GABBR2: variants seen among roughly 807,000 people sequenced by gnomAD.
GABBR2 encodes G-protein coupled receptor 51.
Under a neutral mutation model 105.6 loss-of-function variants are expected in GABBR2, and 23 were observed. The ratio of observed to expected loss-of-function variants is 0.22; its 90% confidence interval spans 0.16 to 0.31. The LOEUF (loss-of-function observed/expected upper bound fraction) is 0.31, where lower values mean the gene tolerates loss of function less well. Ranked by LOEUF, GABBR2 falls within the 10% of genes least tolerant of loss-of-function variation. GABBR2 has a pLI of 1.00. For synonymous variants in GABBR2, 478 were observed against 499.7 expected (o/e 0.96, Z 0.58); for missense variants, 734 against 1,245.5 (o/e 0.59, Z 6.18).
intron 3 of GABBR2, among the ~76,000 whole-genome samples, chr9:98,510,748 C>T (rs1827621932): frequency 6.6e-6 from 1 of 151,946 alleles, no homozygotes; most frequent in Non-Finnish European, 1.5e-5. Flanking sequence ...GCACCCAATA[C>T]AGGAGCACCC....
chr9:98,368,320 TAAAG>T (rs1195170398), intron 12 of GABBR2, among the ~76,000 whole-genome samples: 2 of 132,432 alleles, frequency 1.5e-5, no homozygotes, highest in African/African-American at 5.6e-5. Flanking sequence ...AAAAAAAAAG[TAAAG>T]AAACTTTAAA....
At chr9:98,570,041 C>G (rs148264175) in intron 2 of GABBR2, among the ~76,000 whole-genome samples, 1 of 152,206 alleles carries the variant, frequency 6.6e-6, no homozygotes, top group South Asian at 2.1e-4. Flanking sequence ...GGCATGCTTT[C>G]GAGTTTTCAG....
chr9:98,579,825 T>C (rs746476807), intron 1 of GABBR2, among the ~76,000 whole-genome samples: 4 of 152,212 alleles, frequency 2.6e-5, no homozygotes, highest in Non-Finnish European at 4.4e-5. Context: ...CCTTTGGGGA[T>C]AGAAAGAAAA....
At chr9:98,631,039 G>A (rs772181672) in intron 1 of GABBR2, among the ~76,000 whole-genome samples, 6 of 152,082 alleles carry the variant, frequency 3.9e-5, no homozygotes, top group African/African-American at 9.7e-5. Context: ...ACTGCATAGC[G>A]CTGCTGGGGA....
At chr9:98,562,317 A>G (rs1392649750) in intron 2 of GABBR2, among the ~76,000 whole-genome samples, 1 of 152,236 alleles carries the variant, frequency 6.6e-6, no homozygotes, top group Non-Finnish European at 1.5e-5. Flanking sequence ...CCAAAAATAT[A>G]TGGCAACAAA....
chr9:98,641,650 T>G (rs1829963802), intron 1 of GABBR2, among the ~76,000 whole-genome samples: 1 of 152,174 alleles, frequency 6.6e-6, no homozygotes, highest in Non-Finnish European at 1.5e-5. Context: ...CTCCCGAAAT[T>G]TATTGATTGC....
At chr9:98,637,396 T>C (rs1277722469) in intron 1 of GABBR2, among the ~76,000 whole-genome samples, 2 of 152,200 alleles carry the variant, frequency 1.3e-5, no homozygotes, top group Non-Finnish European at 2.9e-5. Context: ...ATTGAATGCT[T>C]ACTGTAGTAG....
intron 13 of GABBR2, 157 bp downstream of exon 13, chr9:98,362,558 G>T: frequency 2.3e-6 from 1 of 441,050 alleles, no homozygotes; most frequent in Non-Finnish European, 3.8e-6. Flanking sequence ...CTTATATTTG[G>T]CCTCCCTGGA....
intron 3 of GABBR2, among the ~76,000 whole-genome samples, chr9:98,532,698 A>T (rs189164692): frequency 6.6e-6 from 1 of 152,170 alleles, no homozygotes; most frequent in Non-Finnish European, 1.5e-5. Context: ...CCCATCCCAC[A>T]GTGTCTGATT....
At chr9:98,330,360 G>A (rs1359010970) in intron 13 of GABBR2, among the ~76,000 whole-genome samples, 3 of 152,206 alleles carry the variant, frequency 2.0e-5, no homozygotes, top group Non-Finnish European at 4.4e-5. Context: ...CACCTGAGAA[G>A]CAAATGTAAT....
chr9:98,472,628 A>C (rs1564083100), intron 6 of GABBR2, among the ~76,000 whole-genome samples: 1 of 152,214 alleles, frequency 6.6e-6, no homozygotes, highest in Admixed American at 6.5e-5. Context: ...GCCCCTAAAA[A>C]TATATATCCA....
intron 1 of GABBR2, among the ~76,000 whole-genome samples, chr9:98,613,108 T>C (rs1045498153): frequency 1.3e-5 from 2 of 152,120 alleles, no homozygotes; most frequent in African/African-American, 2.4e-5. Flanking sequence ...CCTATACCCA[T>C]AGCCTTTGGA....
At chr9:98,545,050 C>T (rs1828373980) in intron 2 of GABBR2, among the ~76,000 whole-genome samples, 1 of 152,172 alleles carries the variant, frequency 6.6e-6, no homozygotes, top group Admixed American at 6.5e-5. Context: ...CCCCAAAAAT[C>T]CTTATCTAAT....
intron 12 of GABBR2, among the ~76,000 whole-genome samples, chr9:98,371,180 C>A (rs1026725429): frequency 1.3e-5 from 2 of 152,184 alleles, no homozygotes; most frequent in Non-Finnish European, 2.9e-5. Flanking sequence ...CTCCCACTCA[C>A]CCTCCAGGCC....
At chr9:98,376,120 C>T (rs1408029438) in intron 11 of GABBR2, among the ~76,000 whole-genome samples, 1 of 152,180 alleles carries the variant, frequency 6.6e-6, no homozygotes, top group African/African-American at 2.4e-5. Context: ...CCATCTCAGT[C>T]CCAGCTATGA....
chr9:98,563,366 C>T (rs1828704055), intron 2 of GABBR2, among the ~76,000 whole-genome samples: 1 of 152,208 alleles, frequency 6.6e-6, no homozygotes, highest in African/African-American at 2.4e-5. Context: ...GGCAAGACTG[C>T]ACTGAAGGAG....
chr9:98,692,347 T>TCC (rs1371593608), intron 1 of GABBR2, among the ~76,000 whole-genome samples: 1 of 152,162 alleles, frequency 6.6e-6, no homozygotes, highest in Non-Finnish European at 1.5e-5. Context: ...GTATGGATAT[T>TCC]AGTCCACCCA....
chr9:98,593,084 G>A lies in GABBR2; in HGVS notation c.322-15012C>T, dbSNP rs554594331. ...AGCTTTGACCTCCTTGGCCTCAAGC[G>A]AGCCTCCCACCTAGGTCTCCTAAAG... On this transcript the variant is annotated intron_variant, in intron 1 of 18. Transcript: ENST00000259455. 3.3e-5 allele frequency among the ~76,000 whole-genome samples: 5 copies of A among 152,072 alleles called. No individual in the cohort carries two copies. In the South Asian group the frequency reaches 6.2e-4, roughly 19 times the overall value.
chr9:98,424,327 T>C (rs1458297370), intron 7 of GABBR2, among the ~76,000 whole-genome samples: 1 of 151,972 alleles, frequency 6.6e-6, no homozygotes, highest in African/African-American at 2.4e-5. Flanking sequence ...TGATGGGACG[T>C]ATCTCAAAAT....
Sources: allele counts gnomAD v4.1 joint callset (sites outside exome capture counted in the v4.1 genomes callset), GRCh38; gene constraint gnomAD v4.1.1; transcripts MANE v1.5; gene names NCBI Gene and HGNC (gene_info 2026-07-23, HGNC 2026-07-21).